LINGO2: variants seen among roughly 807,000 people sequenced by gnomAD.
The protein encoded by LINGO2 is leucine rich repeat and Ig domain containing 2.
LINGO2 carries 14 observed loss-of-function variants against 30.6 expected under a neutral mutation model. The observed-to-expected ratio is 0.46, with a 90% confidence interval of 0.30 to 0.72. The LOEUF (loss-of-function observed/expected upper bound fraction) is 0.72, where lower values mean the gene tolerates loss of function less well. Ranked by LOEUF, LINGO2 falls within the 30% of genes least tolerant of loss-of-function variation. LINGO2 has a pLI of 0.07. For missense variants in LINGO2, 729 were observed against 751.7 expected (o/e 0.97, Z 0.35); for synonymous variants, 317 against 288.5 (o/e 1.10, Z -1.00).
intron 1 of LINGO2, among the ~76,000 whole-genome samples, chr9:28,651,720 T>G (rs1414696899): frequency 6.6e-6 from 1 of 152,194 alleles, no homozygotes; most frequent in East Asian, 1.9e-4. Flanking sequence ...TTCTAACATT[T>G]GTAATGGGCC....
At chr9:28,396,661 GCC>G (rs1470641225) in intron 2 of LINGO2, among the ~76,000 whole-genome samples, 8 of 121,046 alleles carry the variant, frequency 6.6e-5, no homozygotes, top group Admixed American at 4.6e-4. Flanking sequence ...CCGAGATCAC[GCC>G]ACTGCACTCC....
At chr9:28,319,430 T>C (rs1422827807) in intron 3 of LINGO2, among the ~76,000 whole-genome samples, 1 of 152,178 alleles carries the variant, frequency 6.6e-6, no homozygotes, top group African/African-American at 2.4e-5. Flanking sequence ...AGATTCCAAA[T>C]CTTAATTGTA....
intron 5 of LINGO2, among the ~76,000 whole-genome samples, chr9:27,968,616 T>A (rs1220813663): frequency 6.6e-6 from 1 of 151,888 alleles, no homozygotes; most frequent in Non-Finnish European, 1.5e-5. Flanking sequence ...TAAAAAATGT[T>A]TTCAATGCGC....
At chr9:27,991,473 C>G (rs1222727263) in intron 5 of LINGO2, among the ~76,000 whole-genome samples, 1 of 152,022 alleles carries the variant, frequency 6.6e-6, no homozygotes, top group Non-Finnish European at 1.5e-5. Flanking sequence ...CGCCAGGGCT[C>G]TTTAGGGGCA....
At chr9:28,793,173 A>G in the LINGO2 span, among the ~76,000 whole-genome samples, 1 of 152,150 alleles carries the variant, frequency 6.6e-6, no homozygotes, top group South Asian at 2.1e-4. Context: ...AGAGAAACAA[A>G]ACAACAAACA....
the LINGO2 span, among the ~76,000 whole-genome samples, chr9:29,147,935 C>T: frequency 1.3e-5 from 2 of 152,004 alleles, no homozygotes; most frequent in Non-Finnish European, 2.9e-5. Flanking sequence ...TGGCCAATCT[C>T]CAACAAACAT....
At chr9:29,008,779 A>AT in the LINGO2 span, among the ~76,000 whole-genome samples, 2 of 151,618 alleles carry the variant, frequency 1.3e-5, no homozygotes, top group African/African-American at 4.8e-5. Flanking sequence ...GGGTTGTTTG[A>AT]TTTTTTTCTT....
intron 3 of LINGO2, among the ~76,000 whole-genome samples, chr9:28,311,404 G>A (rs976150401): frequency 1.6e-4 from 25 of 152,096 alleles, no homozygotes; most frequent in African/African-American, 2.9e-4. Context: ...TTTATTAGGC[G>A]GGAATTTCCT....
the LINGO2 span, among the ~76,000 whole-genome samples, chr9:28,800,768 A>G: frequency 6.6e-6 from 1 of 152,040 alleles, no homozygotes; most frequent in South Asian, 2.1e-4. Flanking sequence ...TCTGAAAATG[A>G]TATCTTACTC....
At chr9:28,745,119 G>A in the LINGO2 span, among the ~76,000 whole-genome samples, 875 of 152,086 alleles carry the variant, frequency 5.8e-3, 16 homozygotes, top group African/African-American at 0.02. Flanking sequence ...TTCCTTCTAG[G>A]ATTACTCCTG....
chr9:28,401,633 T>C (rs534608865), intron 2 of LINGO2, among the ~76,000 whole-genome samples: 1 of 152,198 alleles, frequency 6.6e-6, no homozygotes, highest in East Asian at 1.9e-4. Flanking sequence ...TAATTTATAA[T>C]ACTTTGGGTA....
the LINGO2 span, among the ~76,000 whole-genome samples, chr9:28,700,511 A>G: frequency 2.6e-5 from 4 of 152,158 alleles, no homozygotes; most frequent in South Asian, 8.3e-4. Flanking sequence ...TGAATGGACC[A>G]CAGTTTAATT....
At chr9:28,737,032 A>G in the LINGO2 span, among the ~76,000 whole-genome samples, 1 of 152,070 alleles carries the variant, frequency 6.6e-6, no homozygotes, top group Admixed American at 6.6e-5. Context: ...TTAGATTTGG[A>G]CTGTCCTTAA....
the LINGO2 span, among the ~76,000 whole-genome samples, chr9:28,844,976 T>C: frequency 6.6e-6 from 1 of 151,924 alleles, no homozygotes; most frequent in African/African-American, 2.4e-5. Flanking sequence ...GAAAATCATA[T>C]GCTAAGTAGG....
chr9:28,489,896 CA>C (rs36068240), intron 1 of LINGO2, among the ~76,000 whole-genome samples: 18,033 of 66,920 alleles, frequency 0.27, 606 homozygotes, highest in East Asian at 0.32. Context: ...GACTTTGTCT[CA>C]AAAAAAAAAA....
chr9:28,232,859 G>A (rs980720255), intron 4 of LINGO2, among the ~76,000 whole-genome samples: 3 of 150,010 alleles, frequency 2.0e-5, no homozygotes, highest in Non-Finnish European at 3.0e-5. Flanking sequence ...CATGCATCTG[G>A]GGAAAAAAAA....
At chr9:28,043,626 T>C (rs1211051590) in intron 4 of LINGO2, among the ~76,000 whole-genome samples, 2 of 152,192 alleles carry the variant, frequency 1.3e-5, no homozygotes, top group East Asian at 3.9e-4. Context: ...TATACAAAAC[T>C]ATGAAAGAAT....
At chr9:29,163,595 A>G in the LINGO2 span, among the ~76,000 whole-genome samples, 2 of 152,140 alleles carry the variant, frequency 1.3e-5, no homozygotes, top group African/African-American at 2.4e-5. Context: ...GTATTTATCC[A>G]TTTCTTCACA....
At chr9:28,682,118 G>C in the LINGO2 span, among the ~76,000 whole-genome samples, 8 of 152,110 alleles carry the variant, frequency 5.3e-5, no homozygotes, top group Non-Finnish European at 8.8e-5. Flanking sequence ...TCTATTCAGT[G>C]CTTTCCTGGA....
Sources: allele counts gnomAD v4.1 joint callset (sites outside exome capture counted in the v4.1 genomes callset), GRCh38; gene constraint gnomAD v4.1.1; transcripts MANE v1.5; gene names NCBI Gene and HGNC (gene_info 2026-07-23, HGNC 2026-07-21).